The following LMF1 variants were observed in gnomAD, a reference collection of about 807,000 sequenced individuals.
LMF1 encodes the protein lipase maturation factor 1.
Under a neutral mutation model 60.6 loss-of-function variants are expected in LMF1, and 68 were observed. That is an observed-to-expected ratio of 1.12 (90% confidence interval 0.92 to 1.37). The LOEUF (loss-of-function observed/expected upper bound fraction) is 1.37. Among genes scored for constraint, LMF1 ranks in the 40% most tolerant of loss-of-function variants. The pLI is 0.00. For missense variants in LMF1, 948 were observed against 767.2 expected, an observed-to-expected ratio of 1.24 and a Z score of -2.78; for synonymous variants, 418 against 324.7, an observed-to-expected ratio of 1.29 and a Z score of -3.09.
chr16:874,313 G>A lies in LMF1; in HGVS notation c.898-2972C>T, dbSNP rs933518615. The stretch of plus-strand genomic sequence containing the variant: ...CCGGGCCTCTGTCTTGAGCGGGCGT[G>A]GGGTGCAGCCACCACAGGGCAAGGA... On this transcript the variant is annotated intron_variant, in intron 6 of 10. Transcript: ENST00000262301. The surrounding 1 kb of genome is among the most constrained non-coding windows in gnomAD (Gnocchi z 4.1). Among the ~76,000 whole-genome samples the A allele has an allele frequency of 6.6e-6, 1 of 152,070 alleles. No homozygotes were observed. The highest frequency in any genetic ancestry group is 1.5e-5 in the Non-Finnish European group (1 of 67,964).
At chr16:869,616 G>A (rs186634966) in intron 9 of LMF1, 3 of 655,848 alleles carry the variant, frequency 4.6e-6, no homozygotes, top group African/African-American at 3.5e-5. Flanking sequence ...ACAGGGTCTC[G>A]CTATGGCACC....
Position 954,406 on chromosome 16 carries a change from C to T in LMF1, c.454G>A (p.Ala152Thr), listed in dbSNP as rs750724599. Residue 152 changes from alanine to threonine, a missense_variant, in exon 2 of 11, where the codon GCT (alanine) becomes ACT (threonine). Physicochemically the swap from Ala to Thr is moderately conservative, Grantham distance 58. Transcript: ENST00000262301. ...GACATGTAGAGGCCCCACAGGGCAG[C>T]CATGAGAAGCATGTTGGCGCAGCCC... ...ITGCANMLLMAALWGLYMSLV... is the reference protein window; with the variant it reads ...ITGCANMLLMTALWGLYMSLV... 1 of 1,613,050 alleles carries T rather than the reference C, an allele frequency of 6.2e-7. No homozygotes were observed. Among genetic ancestry groups the T allele is most frequent in the Non-Finnish European group, 8.5e-7 (1 of 1,179,738 alleles).
intron 3 of LMF1, among the ~76,000 whole-genome samples, chr16:923,233 C>A (rs1356565598): frequency 6.7e-6 from 1 of 148,262 alleles, no homozygotes; most frequent in Non-Finnish European, 1.5e-5. Context: ...GGCAAAACAG[C>A]AGGGGCAAGG....
At chr16:907,268 G>A (rs1052679826) in intron 4 of LMF1, among the ~76,000 whole-genome samples, 2 of 152,122 alleles carry the variant, frequency 1.3e-5, no homozygotes, top group African/African-American at 4.8e-5. Flanking sequence ...AGGCGTGATG[G>A]CAGGTTCCTG....
chr16:865,008 T>A (rs1034226906), intron 10 of LMF1, among the ~76,000 whole-genome samples: 1 of 152,194 alleles, frequency 6.6e-6, no homozygotes, highest in African/African-American at 2.4e-5. Flanking sequence ...GTTCTGTTTC[T>A]GATTTCTTTG....
chr16:956,663 G>A (rs758627369), intron 1 of LMF1, among the ~76,000 whole-genome samples: 11 of 151,650 alleles, frequency 7.3e-5, no homozygotes, highest in Non-Finnish European at 1.5e-4. Flanking sequence ...GGGCAACATG[G>A]AAAAACCCTG....
At chr16:950,591 A>G (rs1388257015) in intron 2 of LMF1, among the ~76,000 whole-genome samples, 1 of 144,734 alleles carries the variant, frequency 6.9e-6, no homozygotes, top group Non-Finnish European at 1.5e-5. Context: ...TCAGCCAATG[A>G]CAGAGTCAGA....
At chr16:969,480 A>G (rs1215078300) in intron 1 of LMF1, among the ~76,000 whole-genome samples, 2 of 152,194 alleles carry the variant, frequency 1.3e-5, no homozygotes, top group Non-Finnish European at 2.9e-5. Context: ...ATGTCACACA[A>G]AACGTCGAAC....
chr16:865,230 GTTATC>G (rs2069580500), intron 10 of LMF1, among the ~76,000 whole-genome samples: 1 of 152,176 alleles, frequency 6.6e-6, no homozygotes, highest in South Asian at 2.1e-4. Context: ...TCCATTTATA[GTTATC>G]TTAACTACTT....
chr16:913,397 T>A (rs1179090312), intron 3 of LMF1, among the ~76,000 whole-genome samples: 1 of 152,258 alleles, frequency 6.6e-6, no homozygotes, highest in East Asian at 1.9e-4. Flanking sequence ...AGAAGCTGCA[T>A]GTGCACGGTC....
chr16:912,341 G>C (rs1170838832), intron 3 of LMF1, among the ~76,000 whole-genome samples: 1 of 152,146 alleles, frequency 6.6e-6, no homozygotes, highest in Non-Finnish European at 1.5e-5. Context: ...GAGTGCAGAG[G>C]GGAAGCAGAC....
At chr16:915,764 G>T (rs769585517) in intron 3 of LMF1, among the ~76,000 whole-genome samples, 16 of 152,256 alleles carry the variant, frequency 1.1e-4, no homozygotes, top group Non-Finnish European at 1.8e-4. Flanking sequence ...TGGGACGAGA[G>T]ACACGCAGGG....
intron 2 of LMF1, among the ~76,000 whole-genome samples, chr16:950,183 G>A (rs1567301027): frequency 9.5e-6 from 1 of 104,826 alleles, no homozygotes; most frequent in Non-Finnish European, 1.8e-5. Flanking sequence ...CAGAGTCAGA[G>A]CCAACGACAG....
chr16:894,014 C>G (rs185808356), intron 4 of LMF1, among the ~76,000 whole-genome samples: 2,609 of 146,612 alleles, frequency 0.018, 87 homozygotes, highest in African/African-American at 0.061. Flanking sequence ...CCCACCCGTC[C>G]CCCTGTCCAC....
At chr16:895,748 C>T (rs1419725105) in intron 4 of LMF1, among the ~76,000 whole-genome samples, 3 of 152,208 alleles carry the variant, frequency 2.0e-5, no homozygotes, top group African/African-American at 4.8e-5. Context: ...GAGCCCAGCC[C>T]GGCCCTACAG....
intron 4 of LMF1, among the ~76,000 whole-genome samples, chr16:910,108 A>C (rs1047804775): frequency 6.6e-6 from 1 of 152,382 alleles, no homozygotes; most frequent in East Asian, 1.9e-4. Flanking sequence ...GCGGAAGAGC[A>C]GGTGAGAGCT....
At chr16:932,718 C>A (rs915308832) in intron 3 of LMF1, among the ~76,000 whole-genome samples, 4 of 152,068 alleles carry the variant, frequency 2.6e-5, no homozygotes, top group African/African-American at 7.2e-5. Context: ...CTGCACCCAC[C>A]CTGTTGTAAT....
At chr16:978,633 A>T (rs2073246405) in intron 1 of LMF1, among the ~76,000 whole-genome samples, 1 of 152,058 alleles carries the variant, frequency 6.6e-6, no homozygotes. Context: ...TATACTTGAA[A>T]CGTACACTCC....
chr16:952,371 G>A (rs182613478), intron 2 of LMF1, among the ~76,000 whole-genome samples: 229 of 152,196 alleles, frequency 1.5e-3, no homozygotes, highest in Non-Finnish European at 2.9e-3. Context: ...GCAGGGCCTG[G>A]GCTGTGCCAC....
Sources: gnomAD v4.1 joint callset for allele counts (sites outside exome capture counted in the v4.1 genomes callset) on GRCh38, gnomAD v4.1.1 for gene constraint, Gnocchi (gnomAD v3.1) non-coding constraint, MANE v1.5 for transcripts, NCBI Gene and HGNC (gene_info 2026-07-23, HGNC 2026-07-21) for gene names.